FAM168A: variants seen among roughly 807,000 people sequenced by gnomAD.
FAM168A encodes the protein protein FAM168A.
Under a neutral mutation model 28.5 loss-of-function variants are expected in FAM168A, and 3 were observed. The ratio of observed to expected loss-of-function variants is 0.11; its 90% CI spans 0.05 to 0.27. The LOEUF (loss-of-function observed/expected upper bound fraction) is 0.27, where lower values mean the gene tolerates loss of function less well. Ranked by LOEUF, FAM168A falls within the 10% of genes least tolerant of loss-of-function variation. FAM168A has a pLI of 1.00. For synonymous variants in FAM168A, 122 were observed against 124.2 expected (o/e 0.98, Z 0.12); for missense variants, 222 against 311.5 (o/e 0.71, Z 2.16).
intron 1 of FAM168A, among the ~76,000 whole-genome samples, chr11:73,508,701 T>C (rs1254492586): frequency 6.6e-6 from 1 of 152,034 alleles, no homozygotes; most frequent in East Asian, 1.9e-4. Flanking sequence ...CTAATAGTAC[T>C]AGACCACAGT....
At chr11:73,565,899 T>C (rs1036868761) in intron 1 of FAM168A, among the ~76,000 whole-genome samples, 1 of 152,210 alleles carries the variant, frequency 6.6e-6, no homozygotes, top group Non-Finnish European at 1.5e-5. Flanking sequence ...CTCTTAATTA[T>C]GGAGGAAAAC....
chr11:73,453,013 C>A (rs570887520), intron 2 of FAM168A, among the ~76,000 whole-genome samples: 1 of 152,216 alleles, frequency 6.6e-6, no homozygotes, highest in South Asian at 2.1e-4. Flanking sequence ...CATAATGGTG[C>A]CTTAAGGCAA....
At chr11:73,407,486 C>T (rs1866527416) in intron 7 of FAM168A, 27 bp downstream of exon 7, 2 of 1,481,192 alleles carry the variant, frequency 1.4e-6, no homozygotes, top group African/African-American at 2.9e-5. Flanking sequence ...ATCCCCCTCC[C>T]ACTTCTCTCA....
chr11:73,470,489 G>A (rs1023999434), intron 1 of FAM168A, among the ~76,000 whole-genome samples: 3 of 152,114 alleles, frequency 2.0e-5, no homozygotes, highest in African/African-American at 4.8e-5. Flanking sequence ...ACTGTTAAAA[G>A]GTGATTAGGC....
At chr11:73,455,729 T>C (rs551524672) in intron 2 of FAM168A, among the ~76,000 whole-genome samples, 1 of 152,292 alleles carries the variant, frequency 6.6e-6, no homozygotes, top group East Asian at 1.9e-4. Flanking sequence ...AGGTCAGAAT[T>C]CATCCAGTCC....
chr11:73,509,375 G>T (rs1855173789), intron 1 of FAM168A, among the ~76,000 whole-genome samples: 1 of 152,210 alleles, frequency 6.6e-6, no homozygotes, highest in African/African-American at 2.4e-5. Context: ...CTGCTATTAA[G>T]TGGGAGTCAC....
At chr11:73,431,309 T>A (rs1241744258) in intron 2 of FAM168A, among the ~76,000 whole-genome samples, 1 of 152,038 alleles carries the variant, frequency 6.6e-6, no homozygotes, top group Admixed American at 6.6e-5. Flanking sequence ...GCCGCTGCAC[T>A]CTAGCCTGGG....
chr11:73,494,318 C>T (rs1214254932), intron 1 of FAM168A, among the ~76,000 whole-genome samples: 6 of 152,164 alleles, frequency 3.9e-5, no homozygotes, highest in Non-Finnish European at 1.5e-5. Flanking sequence ...CCCCTAGAGT[C>T]CCAGCCAAAA....
At chr11:73,445,420 T>TC (rs1491524717) in intron 2 of FAM168A, among the ~76,000 whole-genome samples, 449 of 19,172 alleles carry the variant, frequency 0.023, 5 homozygotes, top group Middle Eastern at 0.041. Flanking sequence ...AAAATGTCTC[T>TC]TTTTTTTTTT....
intron 2 of FAM168A, among the ~76,000 whole-genome samples, chr11:73,454,145 C>T (rs570716117): frequency 6.6e-6 from 1 of 152,060 alleles, no homozygotes; most frequent in Non-Finnish European, 1.5e-5. Context: ...TGTTTCTGAA[C>T]CCTTCATTAA....
At chr11:73,557,787 C>T (rs1234296426) in intron 1 of FAM168A, among the ~76,000 whole-genome samples, 1 of 152,062 alleles carries the variant, frequency 6.6e-6, no homozygotes, top group South Asian at 2.1e-4. Context: ...CTATGGTAAT[C>T]GATACAGCAT....
At chr11:73,496,634 T>C (rs895097977) in intron 1 of FAM168A, among the ~76,000 whole-genome samples, 3 of 152,180 alleles carry the variant, frequency 2.0e-5, no homozygotes, top group Non-Finnish European at 2.9e-5. Flanking sequence ...GATCTCGGCT[T>C]GCTGCAAGCT....
chr11:73,462,223 A>C (rs1347588070), intron 2 of FAM168A, among the ~76,000 whole-genome samples: 1 of 152,248 alleles, frequency 6.6e-6, no homozygotes, highest in African/African-American at 2.4e-5. Context: ...CCAAGTGTCC[A>C]CATACCACTG....
At chr11:73,479,194 C>T (rs1565263476) in intron 1 of FAM168A, among the ~76,000 whole-genome samples, 1 of 152,120 alleles carries the variant, frequency 6.6e-6, no homozygotes, top group Non-Finnish European at 1.5e-5. Flanking sequence ...GAATGGAGGT[C>T]TTAAACTGAG....
intron 1 of FAM168A, among the ~76,000 whole-genome samples, chr11:73,559,422 C>T (rs1943930998): frequency 6.6e-6 from 1 of 151,806 alleles, no homozygotes; most frequent in Non-Finnish European, 1.5e-5. Flanking sequence ...CACTGCACTC[C>T]AGCCTGAGCG....
At chr11:73,451,475 G>A (rs1836459413) in intron 2 of FAM168A, among the ~76,000 whole-genome samples, 1 of 152,186 alleles carries the variant, frequency 6.6e-6, no homozygotes, top group South Asian at 2.1e-4. Flanking sequence ...TGTTAGCACT[G>A]AGAACACAAT....
At chr11:73,447,636 G>T (rs1329872745) in intron 2 of FAM168A, among the ~76,000 whole-genome samples, 5 of 151,186 alleles carry the variant, frequency 3.3e-5, no homozygotes, top group Admixed American at 3.3e-4. Context: ...CTACGTTGTG[G>T]TTCTCTGTGT....
chr11:73,520,111 T>C (rs1308966557), intron 1 of FAM168A, among the ~76,000 whole-genome samples: 1 of 152,050 alleles, frequency 6.6e-6, no homozygotes, highest in African/African-American at 2.4e-5. Flanking sequence ...AGTGGCACAA[T>C]CTCGGCTCAC....
At chr11:73,463,142 T>C (rs1248355982) in intron 2 of FAM168A, among the ~76,000 whole-genome samples, 2 of 151,792 alleles carry the variant, frequency 1.3e-5, no homozygotes, top group Non-Finnish European at 2.9e-5. Context: ...TTATTTTTTG[T>C]ATTTTTAGTA....
Sources: allele counts gnomAD v4.1 joint callset (sites outside exome capture counted in the v4.1 genomes callset), GRCh38; gene constraint gnomAD v4.1.1; transcripts MANE v1.5; gene names NCBI Gene and HGNC (gene_info 2026-07-23, HGNC 2026-07-21).